Variants in PTPRD observed in about 807,000 individuals in gnomAD.
PTPRD encodes protein tyrosine phosphatase receptor type D, also known as receptor-type tyrosine-protein phosphatase delta.
In PTPRD, 34 loss-of-function variants were observed where a neutral mutation model predicts 214.5. The observed-to-expected ratio is 0.16, with a 90% confidence interval of 0.12 to 0.21. The LOEUF is 0.21. Among genes scored for constraint, PTPRD ranks in the 10% least tolerant of loss-of-function variants. The probability of loss-of-function intolerance (pLI) is 1.00; values close to 1 mark genes in which losing one functional copy is unlikely to be tolerated. For synonymous variants in PTPRD, 1,128 were observed against 845.7 expected, an observed-to-expected ratio of 1.33 and a Z score of -5.79; for missense variants, 2,545 against 2,398.7, an observed-to-expected ratio of 1.06 and a Z score of -1.27.
intron 5 of PTPRD, among the ~76,000 whole-genome samples, chr9:9,795,588 G>C (rs1565327879): frequency 6.6e-6 from 1 of 152,138 alleles, no homozygotes; most frequent in Non-Finnish European, 1.5e-5. Flanking sequence ...ATACATGCTA[G>C]ATAATGAAGC....
intron 10 of PTPRD, among the ~76,000 whole-genome samples, chr9:9,034,437 C>A (rs548921923): frequency 2.6e-5 from 4 of 152,156 alleles, no homozygotes; most frequent in Non-Finnish European, 5.9e-5. Flanking sequence ...AATACCTGCA[C>A]TATGTGTCTC....
intron 4 of PTPRD, among the ~76,000 whole-genome samples, chr9:9,941,884 G>A (rs73643829): frequency 0.026 from 3,958 of 152,190 alleles, 190 homozygotes; most frequent in African/African-American, 0.091. Flanking sequence ...AAAATCAGTA[G>A]TTATTAGCTA....
chr9:10,499,218 G>C (rs1206872627), intron 2 of PTPRD, among the ~76,000 whole-genome samples: 1 of 151,826 alleles, frequency 6.6e-6, no homozygotes, highest in Non-Finnish European at 1.5e-5. Flanking sequence ...CCAAGCTTGA[G>C]GTTTTTAAAA....
At chr9:9,363,527 T>C (rs2056927772) in intron 9 of PTPRD, among the ~76,000 whole-genome samples, 1 of 151,424 alleles carries the variant, frequency 6.6e-6, no homozygotes, top group Non-Finnish European at 1.5e-5. Flanking sequence ...TGCTAGAACA[T>C]TGGTGTAGTT....
chr9:9,384,432 T>C lies in PTPRD; in HGVS notation c.-203+13017A>G, dbSNP rs1156675381. Among the ~76,000 whole-genome samples, 3 of 137,500 alleles carry C rather than the reference T, an allele frequency of 2.2e-5. No individual in the cohort carries two copies. In the Admixed American group the frequency reaches 2.4e-4, roughly 11 times the overall value. The allele number at this position is 137,500 out of a possible 152,430, so 90.2% of individuals were successfully genotyped here. A position where few individuals can be genotyped will look rare whatever the true frequency, so the allele number is the denominator to read the frequency against. On this transcript the variant is annotated intron_variant, in intron 9 of 45. Coordinates refer to ENST00000381196, the MANE Select transcript of PTPRD (RefSeq NM_002839.4). ...CAAGAGATAGTTCAATGTAGAAACA[T>C]CATTTTTGTATGAATCTAACACTAA...
At chr9:9,621,939 C>T (rs1273210584) in intron 7 of PTPRD, among the ~76,000 whole-genome samples, 1 of 152,106 alleles carries the variant, frequency 6.6e-6, no homozygotes, top group Non-Finnish European at 1.5e-5. Flanking sequence ...TAAAGTAAGG[C>T]AAATAAGCTT....
At chr9:9,468,483 T>A (rs2094374072) in intron 8 of PTPRD, among the ~76,000 whole-genome samples, 1 of 152,024 alleles carries the variant, frequency 6.6e-6, no homozygotes, top group Admixed American at 6.6e-5. Context: ...CTTCCAAATA[T>A]CTTTTGATAT....
chr9:8,776,425 C>T (rs776211608), intron 11 of PTPRD, among the ~76,000 whole-genome samples: 13 of 152,052 alleles, frequency 8.5e-5, no homozygotes, highest in Non-Finnish European at 1.8e-4. Flanking sequence ...ACTTAGCGTC[C>T]CAAGTAGCTG....
chr9:9,789,568 C>T (rs2098951582), intron 5 of PTPRD, among the ~76,000 whole-genome samples: 1 of 151,812 alleles, frequency 6.6e-6, no homozygotes, highest in Non-Finnish European at 1.5e-5. Flanking sequence ...GAGGCCGAGG[C>T]GGGCGGATCA....
intron 42 of PTPRD, 80 bp downstream of exon 42, chr9:8,340,263 C>A (rs200078631): frequency 6.9e-7 from 1 of 1,449,108 alleles, no homozygotes; most frequent in African/African-American, 1.4e-5. Context: ...TGATCTAGCA[C>A]AAGAGTTATT....
rs866166009 is a variant in PTPRD at position 9,137,021 on chromosome 9, A to G, written c.-143+46283T>C. ...CTTGTTTATTATTTGGTCTTTAACT[A>G]TAAAGCATTAGCTTTTTCAACAATC... On this transcript the variant is annotated intron_variant, in intron 10 of 45. Coordinates refer to ENST00000381196, the MANE Select transcript of PTPRD (RefSeq NM_002839.4). Among the ~76,000 whole-genome samples the G allele has an allele frequency of 2.8e-4, 42 of 152,318 alleles. 1 individual carries two copies. Among genetic ancestry groups the G allele is most frequent in the Admixed American group, 2.7e-3 (41 of 15,296 alleles).
chr9:9,405,045 T>A (rs1313194875), intron 8 of PTPRD, among the ~76,000 whole-genome samples: 2 of 152,018 alleles, frequency 1.3e-5, no homozygotes, highest in Admixed American at 6.6e-5. Context: ...CCCTAATGAT[T>A]TGTCAATTTT....
intron 3 of PTPRD, among the ~76,000 whole-genome samples, chr9:10,286,442 A>G (rs1238946436): frequency 1.3e-5 from 2 of 152,142 alleles, no homozygotes; most frequent in Non-Finnish European, 2.9e-5. Context: ...ACCTCATTAG[A>G]AAATAAATAC....
At chr9:9,198,664 T>A (rs2099940085) in intron 9 of PTPRD, among the ~76,000 whole-genome samples, 1 of 152,190 alleles carries the variant, frequency 6.6e-6, no homozygotes, top group Non-Finnish European at 1.5e-5. Flanking sequence ...ACTTAGGAGT[T>A]AGTTTTAAAC....
chr9:8,674,279 G>A (rs1442711382), intron 12 of PTPRD, among the ~76,000 whole-genome samples: 1 of 151,924 alleles, frequency 6.6e-6, no homozygotes, highest in African/African-American at 2.4e-5. Context: ...CCAACATGGT[G>A]AAACCCCGTC....
chr9:10,610,545 C>A (rs1364710338), intron 2 of PTPRD, among the ~76,000 whole-genome samples: 1 of 151,610 alleles, frequency 6.6e-6, no homozygotes, highest in East Asian at 1.9e-4. Flanking sequence ...GCCTCTCGGA[C>A]ATGTGAGGTC....
At chr9:8,552,453 G>A (rs992631006) in intron 14 of PTPRD, among the ~76,000 whole-genome samples, 4 of 152,184 alleles carry the variant, frequency 2.6e-5, no homozygotes, top group African/African-American at 9.6e-5. Context: ...AGAAGCCTCA[G>A]TGAGGTGCAT....
chr9:9,567,940 C>A (rs549868104), intron 8 of PTPRD, among the ~76,000 whole-genome samples: 1 of 151,794 alleles, frequency 6.6e-6, no homozygotes, highest in East Asian at 1.9e-4. Context: ...AAAAAGAAGG[C>A]AAAATCCCCT....
intron 11 of PTPRD, among the ~76,000 whole-genome samples, chr9:8,773,241 C>G (rs559446269): frequency 6.6e-6 from 1 of 152,238 alleles, no homozygotes; most frequent in Admixed American, 6.5e-5. Flanking sequence ...GAGAGGAAGC[C>G]TCTGTAGATC....
Sources: allele counts gnomAD v4.1 joint callset (sites outside exome capture counted in the v4.1 genomes callset), GRCh38; gene constraint gnomAD v4.1.1; transcripts MANE v1.5; gene names NCBI Gene and HGNC (gene_info 2026-07-23, HGNC 2026-07-21).